MYMX: variants seen among roughly 807,000 people sequenced by gnomAD.
MYMX encodes the protein protein myomixer.
chr6:44,214,092 G>A (rs1287890029), upstream of MYMX, among the ~76,000 whole-genome samples: 2 of 152,224 alleles, frequency 1.3e-5, no homozygotes, highest in African/African-American at 2.4e-5. Context: ...AGTGAGATGT[G>A]AGCCATTGGA....
At position 44,217,888 on chromosome 6, in the gene MYMX, G is replaced by C; in HGVS notation, c.*162G>C. 1 of 398,510 alleles carries C rather than the reference G, an allele frequency of 2.5e-6. No homozygotes were observed. Among genetic ancestry groups the C allele is most frequent in the Non-Finnish European group, 4.4e-6 (1 of 225,986 alleles). The allele number at this position is 398,510 out of a possible 1,614,324, so 24.7% of individuals were successfully genotyped here. A position where few individuals can be genotyped will look rare whatever the true frequency, so the allele number is the denominator to read the frequency against. Reference sequence around the variant, plus strand: ...CAGACATGCCTCTCCACTCCCAACAGAAATGTCTTTCTGGAAGAATGCCTT... The same window carrying C: ...CAGACATGCCTCTCCACTCCCAACACAAATGTCTTTCTGGAAGAATGCCTT... On this transcript the variant is annotated 3_prime_UTR_variant, in exon 2 of 2. Transcript: ENST00000573382.
the MYMX span, among the ~76,000 whole-genome samples, chr6:44,201,629 GC>G: frequency 6.6e-6 from 1 of 152,208 alleles, no homozygotes; most frequent in East Asian, 1.9e-4. Flanking sequence ...CTGCCCATGA[GC>G]AGCAGGGTGC....
chr6:44,202,017 C>T, the MYMX span, among the ~76,000 whole-genome samples: 5 of 152,124 alleles, frequency 3.3e-5, no homozygotes, highest in Admixed American at 2.6e-4. Flanking sequence ...GCAAGTCATG[C>T]GGAGGCAGTG....
the MYMX span, among the ~76,000 whole-genome samples, chr6:44,209,044 A>G: frequency 2.6e-5 from 4 of 152,040 alleles, no homozygotes; most frequent in Non-Finnish European, 5.9e-5. Flanking sequence ...GCTCACTGCA[A>G]CCTCCGTCTC....
chr6:44,204,590 C>T, the MYMX span, among the ~76,000 whole-genome samples: 5 of 152,230 alleles, frequency 3.3e-5, no homozygotes, highest in Admixed American at 2.0e-4. Context: ...GAAATTTTCA[C>T]GGGAGAGGGT....
chr6:44,199,118 ACT>A, the MYMX span, among the ~76,000 whole-genome samples: 1 of 152,028 alleles, frequency 6.6e-6, no homozygotes, highest in South Asian at 2.1e-4. Context: ...ATTTTGCCAC[ACT>A]GTTTTCATTC....
chr6:44,208,989 G>C, the MYMX span, among the ~76,000 whole-genome samples: 2 of 152,092 alleles, frequency 1.3e-5, no homozygotes, highest in African/African-American at 4.8e-5. Flanking sequence ...TTTGAGACAG[G>C]GTCTTGCTCT....
chr6:44,201,711 T>G, the MYMX span, among the ~76,000 whole-genome samples: 2 of 152,192 alleles, frequency 1.3e-5, no homozygotes, highest in Admixed American at 1.3e-4. Context: ...GGAAGGAAAC[T>G]AATATTTATG....
chr6:44,211,903 C>T, the MYMX span, among the ~76,000 whole-genome samples: 4 of 151,410 alleles, frequency 2.6e-5, no homozygotes, highest in African/African-American at 7.3e-5. Flanking sequence ...CCTCCTCCCC[C>T]CAAAGTACTG....
the MYMX span, among the ~76,000 whole-genome samples, chr6:44,207,885 G>T: frequency 6.6e-6 from 1 of 152,014 alleles, no homozygotes; most frequent in Non-Finnish European, 1.5e-5. Context: ...AAATGAAAAA[G>T]CTTATTGGTT....
chr6:44,215,621 G>C (rs185027580), upstream of MYMX, among the ~76,000 whole-genome samples: 2 of 151,370 alleles, frequency 1.3e-5, no homozygotes, highest in Non-Finnish European at 2.9e-5. Flanking sequence ...CAGGCTGGGC[G>C]TTGTGGCTCA....
chr6:44,213,547 G>A (rs1418494073), upstream of MYMX, among the ~76,000 whole-genome samples: 6 of 151,002 alleles, frequency 4.0e-5, no homozygotes, highest in South Asian at 6.3e-4. Flanking sequence ...TCAGCTTCCC[G>A]AGTAGCTGGG....
chr6:44,194,728 A>G, the MYMX span, among the ~76,000 whole-genome samples: 1 of 152,132 alleles, frequency 6.6e-6, no homozygotes, highest in South Asian at 2.1e-4. Flanking sequence ...CGCACTCCCT[A>G]ACTGCCAGGC....
upstream of MYMX, among the ~76,000 whole-genome samples, chr6:44,212,044 G>A (rs1433124933): frequency 2.0e-5 from 3 of 152,060 alleles, no homozygotes; most frequent in Non-Finnish European, 4.4e-5. Context: ...CCAAGTAGCT[G>A]AGACTATAGG....
chr6:44,199,148 C>G, the MYMX span, among the ~76,000 whole-genome samples: 1 of 152,264 alleles, frequency 6.6e-6, no homozygotes, highest in East Asian at 1.9e-4. Context: ...ACCAGATTGG[C>G]CAGATTGGTA....
the MYMX span, among the ~76,000 whole-genome samples, chr6:44,207,014 T>C: frequency 6.6e-6 from 1 of 152,162 alleles, no homozygotes; most frequent in Non-Finnish European, 1.5e-5. Flanking sequence ...GAAAGTCCCC[T>C]CCAATTAATG....
upstream of MYMX, among the ~76,000 whole-genome samples, chr6:44,216,416 G>A (rs9462976): frequency 0.29 from 44,549 of 151,834 alleles, 6,630 homozygotes; most frequent in South Asian, 0.41. Context: ...TTGAGAGGTC[G>A]AGGCGGGTGG....
the MYMX span, among the ~76,000 whole-genome samples, chr6:44,210,255 C>T: frequency 3.3e-5 from 5 of 149,452 alleles, no homozygotes; most frequent in Non-Finnish European, 5.9e-5. Flanking sequence ...AATATATATA[C>T]CTTTTAACAG....
the MYMX span, among the ~76,000 whole-genome samples, chr6:44,201,584 A>C: frequency 6.6e-6 from 1 of 152,164 alleles, no homozygotes. Context: ...TTGATTCTTC[A>C]AGCATTAACA....
Sources: allele counts gnomAD v4.1 joint callset (sites outside exome capture counted in the v4.1 genomes callset), GRCh38; gene constraint gnomAD v4.1.1; transcripts MANE v1.5; gene names NCBI Gene and HGNC (gene_info 2026-07-23, HGNC 2026-07-21).